The following SH3TC1 variants were observed in gnomAD, a reference collection of about 807,000 sequenced individuals.
SH3TC1 encodes SH3 domain and tetratricopeptide repeat-containing protein 1.
Under a neutral mutation model 117.3 loss-of-function variants are expected in SH3TC1, and 135 were observed. That is an observed-to-expected ratio of 1.15 (90% confidence interval 1.00 to 1.33). The LOEUF is 1.33. Among genes scored for constraint, SH3TC1 ranks in the 40% most tolerant of loss-of-function variants. The pLI, the probability that SH3TC1 is intolerant of heterozygous loss-of-function variation, is 0.00. For synonymous variants in SH3TC1, 898 were observed against 816.9 expected (o/e 1.10, Z -1.69); for missense variants, 2,092 against 1,794.3 (o/e 1.17, Z -3.00).
chr4:8,223,207 G>A (rs1023813848), intron 10 of SH3TC1, among the ~76,000 whole-genome samples: 1 of 152,258 alleles, frequency 6.6e-6, no homozygotes, highest in African/African-American at 2.4e-5. Context: ...TGGGCACCAG[G>A]GAAGCCCTTC....
In SH3TC1 at chr4:8,209,626, G is replaced by A; in HGVS notation, c.173-122G>A. 2 of 1,541,748 alleles carry A rather than the reference G, an allele frequency of 1.3e-6. No homozygotes were observed. Among genetic ancestry groups the A allele is most frequent in the South Asian group, 1.2e-5 (1 of 83,960 alleles). ...CTGGAGGAAGGCAGCTGTGGGAAAGGCGGCTCGTGCGGGACAGAACTCACC... is the reference window on the plus strand; with the variant it reads ...CTGGAGGAAGGCAGCTGTGGGAAAGACGGCTCGTGCGGGACAGAACTCACC... On this transcript the variant is annotated intron_variant, in intron 2 of 17. Coordinates refer to ENST00000245105, the MANE Select transcript of SH3TC1 (RefSeq NM_018986.5). The surrounding 1 kb of genome is among the most constrained non-coding windows in gnomAD (Gnocchi z 5.9).
Position 8,216,968 on chromosome 4 carries a change from G to A in SH3TC1, c.640G>A (p.Val214Ile). 1 of 1,614,094 alleles carries A rather than the reference G, an allele frequency of 6.2e-7. No individual in the cohort carries two copies. The highest frequency in any genetic ancestry group is 8.5e-7 in the Non-Finnish European group (1 of 1,179,978). Reference protein sequence around the residue: ...SLLIQEGPFFVLCPDHHVRVM... With the variant: ...SLLIQEGPFFILCPDHHVRVM... ...CCATCCTTTTGAAGGGCCCTTCTTT[G>A]TCCTGTGTCCTGACCACCATGTGAG... is the stretch of plus-strand genomic sequence containing the variant. Residue 214 changes from valine to isoleucine, a missense_variant, in exon 7 of 18, where the codon GTC (valine) becomes ATC (isoleucine). Transcript: ENST00000245105.
At position 8,236,366 on chromosome 4, in the gene SH3TC1, T is replaced by A; in HGVS notation, c.3494T>A (p.Leu1165Gln). Residue 1165 changes from leucine (L) to glutamine (Q), a missense_variant, in exon 16 of 18, where the codon CTG becomes CAG. Leu to Gln is a moderately radical substitution (Grantham distance 113). Transcript: ENST00000245105. ...AAGCTGGTGGCACTGCTGGCCACGC[T>A]GGAGGAGCCCCAGGAGGGCTTGGAG... is the stretch of plus-strand genomic sequence containing the variant. ...CNKLVALLAT[L>Q]EEPQEGLEFA... 1 of 1,547,040 alleles carries A rather than the reference T, an allele frequency of 6.5e-7. No individual in the cohort carries two copies. Among genetic ancestry groups the A allele is most frequent in the Non-Finnish European group, 8.7e-7 (1 of 1,145,248 alleles).
At position 8,217,096 on chromosome 4, in the gene SH3TC1, G is replaced by A. The variant is rs753472577; in HGVS notation, c.768G>A (p.Pro256=). ...GEAAPETDSS[P]PSPSVSSEEV... is the part of the protein sequence containing the mutation. ...CGGCCCCGGAAACAGACTCTTCACC[G>A]CCGAGCCCCAGCGTGTCCTCCGAGG... is the stretch of plus-strand genomic sequence containing the variant. The change falls in exon 7 of 18, where the codon CCG becomes CCA. Residue 256 remains proline, a synonymous_variant. Transcript: ENST00000245105. The A allele has an allele frequency of 1.7e-5, 28 of 1,612,976 alleles. No homozygotes were observed. The East Asian group carries it at 1.8e-4, about 10-fold the overall frequency.
chr4:8,200,838 C>T (rs73077998), intron 1 of SH3TC1, among the ~76,000 whole-genome samples: 9 of 152,278 alleles, frequency 5.9e-5, no homozygotes, highest in South Asian at 4.1e-4. Flanking sequence ...GTCCACTCTC[C>T]GCCCTGGTGG....
chr4:8,224,065 A>ATGTG (rs1720220541), intron 10 of SH3TC1, among the ~76,000 whole-genome samples: 1 of 152,120 alleles, frequency 6.6e-6, no homozygotes, highest in African/African-American at 2.4e-5. Flanking sequence ...ACACCCACCC[A>ATGTG]TGCAGACATG....
rs1013019207 is a variant in SH3TC1 at position 8,192,275 on chromosome 4, C to G, written c.-57+10065C>G. Among the ~76,000 whole-genome samples the G allele has an allele frequency of 4.0e-5, 6 of 151,834 alleles. No homozygotes were observed. Among genetic ancestry groups the G allele is most frequent in the Admixed American group, 3.3e-4 (5 of 15,246 alleles). The stretch of plus-strand genomic sequence containing the variant: ...CCTCCCAAAGTGCTGGGATTACAGG[C>G]GTGAGCCACTGCGCCCGGCCCTCAG... On this transcript the variant is annotated intron_variant, in intron 1 of 16. Transcript: ENST00000508641. The surrounding 1 kb of genome is among the most constrained non-coding windows in gnomAD (Gnocchi z 4.1).
chr4:8,215,503 T>A (rs1719169611), intron 5 of SH3TC1, among the ~76,000 whole-genome samples: 1 of 152,136 alleles, frequency 6.6e-6, no homozygotes, highest in Admixed American at 6.5e-5. Context: ...TGTGGGGGGA[T>A]GTCCATCCAG....
intron 1 of SH3TC1, among the ~76,000 whole-genome samples, chr4:8,185,556 T>C (rs1192176817): frequency 2.0e-5 from 3 of 152,192 alleles, no homozygotes; most frequent in African/African-American, 7.2e-5. Context: ...GAACGCATCC[T>C]AACCCCACTT....
intron 12 of SH3TC1, among the ~76,000 whole-genome samples, chr4:8,229,812 C>A (rs1304428697): frequency 3.3e-5 from 5 of 152,076 alleles, no homozygotes; most frequent in Non-Finnish European, 5.9e-5. Context: ...TCCGGTGGGT[C>A]CTGGCACAAT....
chr4:8,198,026 G>A (rs1043879128), upstream of SH3TC1, among the ~76,000 whole-genome samples: 3 of 152,152 alleles, frequency 2.0e-5, no homozygotes, highest in African/African-American at 4.8e-5. Context: ...TGGCTGCTAT[G>A]ATTAGAGGAG....
In SH3TC1 at chr4:8,205,704, T is replaced by C. The variant is rs140741156; in HGVS notation, c.172+338T>C. The C allele has an allele frequency of 2.7e-3, 1,927 of 715,114 alleles. 29 individuals carry two copies. In the African/African-American group the frequency reaches 0.028, roughly 10 times the overall value. 44.3% of individuals were successfully genotyped at this position (715,114 alleles called of 1,614,324 possible). A position where few individuals can be genotyped will look rare whatever the true frequency, so the allele number is the denominator to read the frequency against. Reference sequence around the variant, plus strand: ...CCGATGGGTTTGGCCTTGGAACCCCTGAGAGTCCTCAGGATGAGGCATCCT... The same window carrying C: ...CCGATGGGTTTGGCCTTGGAACCCCCGAGAGTCCTCAGGATGAGGCATCCT... On this transcript the variant is annotated intron_variant, in intron 2 of 17. Coordinates refer to ENST00000245105, the MANE Select transcript of SH3TC1 (RefSeq NM_018986.5). The surrounding 1 kb of genome is among the most constrained non-coding windows in gnomAD (Gnocchi z 5.4).
intron 13 of SH3TC1, chr4:8,233,130 A>T: frequency 7.3e-7 from 1 of 1,362,454 alleles, no homozygotes; most frequent in East Asian, 2.9e-5. Flanking sequence ...ACGCTCCCCC[A>T]GCCACAGGGC....
chr4:8,231,753 C>T (rs3756192), intron 12 of SH3TC1: 219,668 of 572,012 alleles, frequency 0.38, 43,496 homozygotes, highest in Non-Finnish European at 0.41. Flanking sequence ...GGGCCAAGCT[C>T]GGCTAGGGCC....
In SH3TC1 at chr4:8,190,975, G is replaced by T. The variant is rs933995527; in HGVS notation, c.-57+8765G>T. 6.6e-6 allele frequency among the ~76,000 whole-genome samples: 1 copy of T among 152,126 alleles called. No homozygotes were observed. Among genetic ancestry groups the T allele is most frequent in the Non-Finnish European group, 1.5e-5 (1 of 68,022 alleles). ...GTGATTTTACCCTCTCCGCACCTCTGTTCCTTGTGGTTTTAAAGGTGGAGA... is the reference window on the plus strand; with the variant it reads ...GTGATTTTACCCTCTCCGCACCTCTTTTCCTTGTGGTTTTAAAGGTGGAGA... On this transcript the variant is annotated intron_variant, in intron 1 of 16. Coordinates refer to the SH3TC1 transcript ENST00000508641. This position sits in a 1 kb window ranked among gnomAD's most constrained non-coding sequence, Gnocchi z 4.7.
chr4:8,218,426 T>A, intron 8 of SH3TC1, 79 bp downstream of exon 8: 1 of 1,045,108 alleles, frequency 9.6e-7, no homozygotes, highest in Non-Finnish European at 1.4e-6. Context: ...GAAGTTGCCC[T>A]ACATCCTCCC....
chr4:8,215,504 G>T (rs1016958401), intron 5 of SH3TC1, among the ~76,000 whole-genome samples: 1 of 152,166 alleles, frequency 6.6e-6, no homozygotes, highest in Non-Finnish European at 1.5e-5. Flanking sequence ...GTGGGGGGAT[G>T]TCCATCCAGA....
Position 8,190,462 on chromosome 4 carries a change from T to C in SH3TC1, c.-57+8252T>C, listed in dbSNP as rs1354550640. ...TTCGGGCCTATGGGATTGGAGGTCC[T>C]GGGGGGACTCATCTGTAAGCTGGGA... On this transcript the variant is annotated intron_variant, in intron 1 of 16. Coordinates refer to the SH3TC1 transcript ENST00000508641. This position sits in a 1 kb window ranked among gnomAD's most constrained non-coding sequence, Gnocchi z 4.7. Among the ~76,000 whole-genome samples, 1 of 152,150 alleles carries C rather than the reference T, an allele frequency of 6.6e-6. No homozygotes were observed. The highest frequency in any genetic ancestry group is 1.5e-5 in the Non-Finnish European group (1 of 68,002).
At chr4:8,214,829 A>G (rs924567719) in intron 5 of SH3TC1, among the ~76,000 whole-genome samples, 2 of 152,124 alleles carry the variant, frequency 1.3e-5, no homozygotes, top group African/African-American at 4.8e-5. Flanking sequence ...GATTATAAGT[A>G]CGAGCTACCA....
Sources: allele counts gnomAD v4.1 joint callset (sites outside exome capture counted in the v4.1 genomes callset), GRCh38; gene constraint gnomAD v4.1.1; non-coding constraint Gnocchi (gnomAD v3.1); transcripts MANE v1.5; gene names NCBI Gene and HGNC (gene_info 2026-07-23, HGNC 2026-07-21).